TASOR: variants seen among roughly 807,000 people sequenced by gnomAD.
TASOR encodes transcription activation suppressor.
Under a neutral mutation model 178.6 loss-of-function variants are expected in TASOR, and 53 were observed. The ratio of observed to expected loss-of-function variants is 0.30; its 90% CI spans 0.24 to 0.37. The LOEUF (loss-of-function observed/expected upper bound fraction) is 0.37. Ranked by LOEUF, TASOR falls within the 10% of genes least tolerant of loss-of-function variation. TASOR has a pLI of 1.00. For synonymous variants in TASOR, 713 were observed against 696.2 expected (o/e 1.02, Z -0.38); for missense variants, 1,815 against 1,971.4 (o/e 0.92, Z 1.50).
chr3:56,682,011 C>A (rs1275344157), intron 1 of TASOR, among the ~76,000 whole-genome samples: 2 of 152,032 alleles, frequency 1.3e-5, no homozygotes, highest in Admixed American at 1.3e-4. Flanking sequence ...CCTTTCCATT[C>A]TTTTCAAATA....
chr3:56,657,060 T>C (rs1004510724), intron 11 of TASOR, among the ~76,000 whole-genome samples: 1 of 150,828 alleles, frequency 6.6e-6, no homozygotes, highest in Non-Finnish European at 1.5e-5. Flanking sequence ...CCAGGCACGG[T>C]GGCTCACGCC....
Position 56,640,117 on chromosome 3 carries a change from A to G in TASOR, c.2633T>C (p.Ile878Thr), listed in dbSNP as rs1355924730. The stretch of plus-strand genomic sequence containing the variant: ...GCAATCTTCAAAATTATTCACGCTA[A>G]TTAAATTTGGATCCTAAAAATCAAA... ...KLHLKEDPNL[I>T]SVNNFEDCSL... is the part of the protein sequence containing the mutation. The change falls in exon 16 of 24, where the codon ATT becomes ACT. Residue 878 changes from isoleucine to threonine, a missense_variant. By Grantham distance (89) the Ile-to-Thr change is moderately conservative. Around this residue, in one of 5 missense-constraint regions of TASOR, gnomAD observed 655 missense variants for 671.1 expected, o/e 0.98. Coordinates refer to ENST00000683822, the MANE Select transcript of TASOR (RefSeq NM_001365635.2). 4 of 1,612,706 alleles carry G rather than the reference A, an allele frequency of 2.5e-6. No individual in the cohort carries two copies. The highest frequency in any genetic ancestry group is 3.4e-6 in the Non-Finnish European group (4 of 1,179,552).
At chr3:56,675,375 C>A (rs2031194729) in intron 1 of TASOR, among the ~76,000 whole-genome samples, 1 of 151,788 alleles carries the variant, frequency 6.6e-6, no homozygotes, top group South Asian at 2.1e-4. Context: ...TGGGGTTTCA[C>A]CATGTTGGCC....
intron 18 of TASOR, among the ~76,000 whole-genome samples, chr3:56,630,718 G>A (rs1466022439): frequency 6.6e-6 from 1 of 152,082 alleles, no homozygotes; most frequent in African/African-American, 2.4e-5. Flanking sequence ...GGTGGCGGGT[G>A]CCTGCAATCC....
chr3:56,682,953 T>C lies in TASOR; in HGVS notation c.54A>G (p.Glu18=). Reference sequence around the variant, plus strand: ...TCTCGTCGTCTCCGCCGCCGCCACTTTCCCAACTCGCATCCGTCGGCTGAC... The same window carrying C: ...TCTCGTCGTCTCCGCCGCCGCCACTCTCCCAACTCGCATCCGTCGGCTGAC... ...EACQPTDASW[E]SGGGGDDEMK... is the part of the protein sequence containing the mutation. The change falls in exon 1 of 24, where the codon GAA becomes GAG. Residue 18 remains glutamate, a synonymous_variant. Transcript: ENST00000683822. 1 of 1,549,658 alleles carries C rather than the reference T, an allele frequency of 6.5e-7. No individual in the cohort carries two copies. Among genetic ancestry groups the C allele is most frequent in the Non-Finnish European group, 8.7e-7 (1 of 1,146,452 alleles).
chr3:56,626,675 G>GGA (rs2076805954), intron 21 of TASOR, among the ~76,000 whole-genome samples: 1 of 151,996 alleles, frequency 6.6e-6, no homozygotes, highest in Non-Finnish European at 1.5e-5. Context: ...CCCAGGAGGT[G>GGA]GAGGTTGCAG....
intron 1 of TASOR, among the ~76,000 whole-genome samples, chr3:56,681,712 A>G (rs1018276052): frequency 3.3e-5 from 5 of 152,228 alleles, no homozygotes; most frequent in Non-Finnish European, 7.3e-5. Context: ...TAAATTCAGA[A>G]TATCCAAAAT....
At position 56,646,680 on chromosome 3, in the gene TASOR, T is replaced by C; in HGVS notation, c.2057A>G (p.Asn686Ser). 1 of 1,613,890 alleles carries C rather than the reference T, an allele frequency of 6.2e-7. No individual in the cohort carries two copies. Among genetic ancestry groups the C allele is most frequent in the Non-Finnish European group, 8.5e-7 (1 of 1,180,006 alleles). ...YDKDRVKELI[N>S]LIQCRKKSVG... ...ACTCTTTTTCCTACACTGAATTAAA[T>C]TAATCAATTCTTTGACTCTATCCTT... The change falls in exon 14 of 24, where the codon AAT becomes AGT. Residue 686 changes from asparagine (N) to serine (S), a missense_variant. By Grantham distance (46) the Asn-to-Ser change is conservative. This residue lies in a region of TASOR where 504 missense variants were observed against 645.3 expected (regional missense o/e 0.78). Transcript: ENST00000683822.
chr3:56,676,146 G>C (rs1324219535), intron 1 of TASOR, among the ~76,000 whole-genome samples: 1 of 138,902 alleles, frequency 7.2e-6, no homozygotes, highest in South Asian at 2.9e-4. Context: ...AGCTCCATGA[G>C]AGCAGGAACC....
intron 16 of TASOR, among the ~76,000 whole-genome samples, chr3:56,639,771 A>C (rs1288910398): frequency 1.3e-5 from 2 of 152,202 alleles, no homozygotes; most frequent in Admixed American, 1.3e-4. Context: ...CCTGTTTTTA[A>C]GGTGATTTTG....
chr3:56,664,651 T>C (rs1234513347), intron 7 of TASOR, among the ~76,000 whole-genome samples: 2 of 152,236 alleles, frequency 1.3e-5, no homozygotes, highest in Non-Finnish European at 2.9e-5. Context: ...TCTAAATTAA[T>C]AGATATCATA....
intron 2 of TASOR, 41 bp from the exon 3 acceptor site, chr3:56,671,733 T>C (rs1457658365): frequency 1.4e-6 from 2 of 1,414,326 alleles, no homozygotes; most frequent in Middle Eastern, 2.3e-4. Context: ...TAGCATGTGA[T>C]TATGTTTTTC....
intron 15 of TASOR, 58 bp downstream of exon 15, chr3:56,641,291 G>C (rs2077118801): frequency 2.0e-6 from 3 of 1,469,598 alleles, no homozygotes; most frequent in Non-Finnish European, 2.7e-6. Flanking sequence ...CATACTCACA[G>C]CACCTCTTTC....
chr3:56,678,521 G>A (rs979064865), intron 1 of TASOR, among the ~76,000 whole-genome samples: 1 of 151,958 alleles, frequency 6.6e-6, no homozygotes. Context: ...AAGGCAGTGG[G>A]CATTGATATA....
At chr3:56,627,389 G>C (rs2076822325) in intron 20 of TASOR, among the ~76,000 whole-genome samples, 193 bp downstream of exon 20, 1 of 152,182 alleles carries the variant, frequency 6.6e-6, no homozygotes. Context: ...AGCAGGGGCA[G>C]ACAGCCTTGC....
At chr3:56,627,799 A>C in intron 19 of TASOR, 58 bp from the exon 20 acceptor site, 19 of 1,519,430 alleles carry the variant, frequency 1.3e-5, no homozygotes, top group Non-Finnish European at 1.6e-5. Flanking sequence ...TGACAGACTC[A>C]AGTGTGAAGG....
At position 56,641,625 on chromosome 3, in the gene TASOR, A is replaced by T. The variant is rs2077126911; in HGVS notation, c.2343T>A (p.Asn781Lys). 1.9e-6 allele frequency: 3 copies of T among 1,614,014 alleles called. No homozygotes were observed. Among genetic ancestry groups the T allele is most frequent in the Non-Finnish European group, 2.5e-6 (3 of 1,180,044 alleles). Residue 781 changes from asparagine (N) to lysine (K), a missense_variant, in exon 15 of 24, where the codon AAT (asparagine) becomes AAA (lysine). Around this residue, in one of 5 missense-constraint regions of TASOR, gnomAD observed 655 missense variants for 671.1 expected, o/e 0.98. Coordinates refer to ENST00000683822, the MANE Select transcript of TASOR (RefSeq NM_001365635.2). ...TCAGAGATGCATCAGAATGGCGCGC[A>T]TTTGCTAGTGTTTCTGATAACCAAT... ...LFNWLSETLA[N>K]ARHSDASLTD...
intron 11 of TASOR, among the ~76,000 whole-genome samples, chr3:56,654,254 C>T (rs540654787): frequency 2.0e-5 from 3 of 151,224 alleles, no homozygotes; most frequent in African/African-American, 4.9e-5. Flanking sequence ...GAGACAAGAG[C>T]GAAACTCTGT....
chr3:56,675,173 C>A (rs1286327636), intron 1 of TASOR, among the ~76,000 whole-genome samples: 1 of 144,026 alleles, frequency 6.9e-6, no homozygotes, highest in African/African-American at 2.7e-5. Context: ...CTACATCCCA[C>A]TGAATTTTTT....
Sources: allele counts gnomAD v4.1 joint callset (sites outside exome capture counted in the v4.1 genomes callset), GRCh38; gene constraint gnomAD v4.1.1; regional missense constraint gnomAD v4.1.1; transcripts MANE v1.5; gene names NCBI Gene and HGNC (gene_info 2026-07-23, HGNC 2026-07-21).